Variants in ADCYAP1R1 observed in about 807,000 individuals in gnomAD.
ADCYAP1R1 encodes the protein ADCYAP receptor type I, also known as pituitary adenylate cyclase-activating polypeptide type I receptor.
ADCYAP1R1 carries 44 observed loss-of-function variants against 67.6 expected under a neutral mutation model. The observed-to-expected ratio is 0.65, with a 90% CI of 0.51 to 0.84. The LOEUF is 0.84. Among genes scored for constraint, ADCYAP1R1 ranks in the 40% least tolerant of loss-of-function variants. The pLI is 0.00. For synonymous variants in ADCYAP1R1, 222 were observed against 219.6 expected (o/e 1.01, Z -0.10); for missense variants, 477 against 587.9 (o/e 0.81, Z 1.95).
At chr7:31,097,732 A>G (rs755972035) in intron 13 of ADCYAP1R1, among the ~76,000 whole-genome samples, 9 of 152,182 alleles carry the variant, frequency 5.9e-5, no homozygotes, top group Admixed American at 2.0e-4. Context: ...TCTTGAAGCT[A>G]AAGAAAGCAG....
At chr7:31,081,049 A>G (rs1795494230) in intron 5 of ADCYAP1R1, among the ~76,000 whole-genome samples, 1 of 152,216 alleles carries the variant, frequency 6.6e-6, no homozygotes, top group Admixed American at 6.5e-5. Flanking sequence ...CAGAAGAGCA[A>G]ATGATGCAGC....
chr7:31,110,206 G>T lies in ADCYAP1R1; in HGVS notation c.*3522G>T, dbSNP rs1049891333. On this transcript the variant is annotated 3_prime_UTR_variant, in exon 16 of 16. Coordinates refer to ENST00000304166, the MANE Select transcript of ADCYAP1R1 (RefSeq NM_001118.5). ...GCCACTTCAAAGTGAAGCCAGCAAA[G>T]TGATAATACTTTATCATTTAGTATT... 9 of 149,798 alleles carry T rather than the reference G, an allele frequency of 6.0e-5. No homozygotes were observed. The highest frequency in any genetic ancestry group is 2.2e-4 in the African/African-American group (9 of 40,498). The allele number at this position is 149,798 out of a possible 1,614,324, so 9.3% of individuals were successfully genotyped here.
chr7:31,078,733 G>A (rs1005578579), intron 4 of ADCYAP1R1, among the ~76,000 whole-genome samples: 1 of 152,200 alleles, frequency 6.6e-6, no homozygotes, highest in Non-Finnish European at 1.5e-5. Flanking sequence ...GGCCCTAGCT[G>A]CCCTCAGGCA....
chr7:31,067,125 C>A (rs1794769040), intron 3 of ADCYAP1R1, among the ~76,000 whole-genome samples: 1 of 152,172 alleles, frequency 6.6e-6, no homozygotes, highest in African/African-American at 2.4e-5. Flanking sequence ...CATAGGAGGT[C>A]AGGGTGTGAA....
intron 15 of ADCYAP1R1, 117 bp from the exon 16 acceptor site, chr7:31,106,372 CTGGGGAG>C: frequency 8.3e-7 from 1 of 1,202,048 alleles, no homozygotes; most frequent in Non-Finnish European, 1.1e-6. Flanking sequence ...CAGGCTGCAA[CTGGGGAG>C]TGGGGAGGGT....
At chr7:31,081,658 A>C in intron 5 of ADCYAP1R1, 55 bp from the exon 6 acceptor site, 1 of 1,449,604 alleles carries the variant, frequency 6.9e-7, no homozygotes, top group Non-Finnish European at 9.5e-7. Context: ...GAGAGTAAAC[A>C]GTAGCTAACT....
intron 5 of ADCYAP1R1, 120 bp from the exon 6 acceptor site, chr7:31,081,593 A>G: frequency 1.4e-6 from 1 of 714,618 alleles, no homozygotes; most frequent in Non-Finnish European, 2.3e-6. Flanking sequence ...CCTCTTGGCC[A>G]GGACTCCATC....
At chr7:31,106,118 A>G (rs113904397) in intron 15 of ADCYAP1R1, among the ~76,000 whole-genome samples, 1,990 of 152,342 alleles carry the variant, frequency 0.013, 47 homozygotes, top group African/African-American at 0.045. Flanking sequence ...TCTAATGTGT[A>G]GCCCACTCTT....
At chr7:31,082,604 G>C (rs1584512088) in intron 6 of ADCYAP1R1, among the ~76,000 whole-genome samples, 1 of 152,206 alleles carries the variant, frequency 6.6e-6, no homozygotes, top group Non-Finnish European at 1.5e-5. Flanking sequence ...ACTTGGCCAC[G>C]GTGGTGATTT....
At position 31,084,776 on chromosome 7, in the gene ADCYAP1R1, G is replaced by C. The variant is rs1265225148; in HGVS notation, c.478G>C (p.Gly160Arg). 6.2e-7 allele frequency: 1 copy of C among 1,614,096 alleles called. No individual in the cohort carries two copies. Among genetic ancestry groups the C allele is most frequent in the Non-Finnish European group, 8.5e-7 (1 of 1,179,980 alleles). The change falls in exon 8 of 16, where the codon GGC (glycine) becomes CGC (arginine). Residue 160 changes from glycine to arginine, a missense_variant. Coordinates refer to ENST00000304166, the MANE Select transcript of ADCYAP1R1 (RefSeq NM_001118.5). The part of the protein sequence containing the change: ...YLSVKALYTV[G>R]YSTSLVTLTT... ...GTCAGTGAAGGCCCTCTACACGGTT[G>C]GCTACAGCACATCCCTCGTCACCCT... is the stretch of plus-strand genomic sequence containing the variant.
chr7:31,078,225 T>A, intron 4 of ADCYAP1R1, 127 bp downstream of exon 4: 1 of 664,584 alleles, frequency 1.5e-6, no homozygotes, highest in South Asian at 2.0e-5. Context: ...AGCTCACATG[T>A]GGTGTGGGGG....
intron 1 of ADCYAP1R1, among the ~76,000 whole-genome samples, chr7:31,058,606 A>G (rs1366163763): frequency 6.6e-6 from 1 of 152,040 alleles, no homozygotes; most frequent in Non-Finnish European, 1.5e-5. Flanking sequence ...GCACCTTGGG[A>G]GGTGGGCTTT....
chr7:31,068,563 T>C (rs1794843680), intron 3 of ADCYAP1R1, among the ~76,000 whole-genome samples: 1 of 152,128 alleles, frequency 6.6e-6, no homozygotes, highest in Non-Finnish European at 1.5e-5. Flanking sequence ...GACCCTGAAA[T>C]GTGCTCCAGG....
intron 5 of ADCYAP1R1, 77 bp from the exon 6 acceptor site, chr7:31,081,636 C>A: frequency 8.1e-7 from 1 of 1,240,208 alleles, no homozygotes; most frequent in Non-Finnish European, 1.1e-6. Context: ...GTAGCCTGAG[C>A]CTTCCAGGGT....
chr7:31,078,677 G>A (rs888418649), intron 4 of ADCYAP1R1, among the ~76,000 whole-genome samples: 8 of 152,218 alleles, frequency 5.3e-5, no homozygotes, highest in African/African-American at 1.7e-4. Flanking sequence ...CACAAGGCCC[G>A]TTGGGGCTGG....
rs1794058429 is a variant in ADCYAP1R1, at chr7:31,052,578, A to G, written c.-172A>G. On this transcript the variant is annotated 5_prime_UTR_variant, in exon 1 of 16. Coordinates refer to ENST00000304166, the MANE Select transcript of ADCYAP1R1 (RefSeq NM_001118.5). ...CGGCTCGGCGCGCGCTCCTCGGCGC[A>G]CACGCTCCCCATCCCCGCGCCGCGC... 1 of 151,164 alleles carries G rather than the reference A, an allele frequency of 6.6e-6. No homozygotes were observed. Among genetic ancestry groups the G allele is most frequent in the South Asian group, 2.1e-4 (1 of 4,812 alleles). 9.4% of individuals were successfully genotyped at this position (151,164 alleles called of 1,614,324 possible).
At chr7:31,054,653 G>C (rs1794166700) in intron 1 of ADCYAP1R1, among the ~76,000 whole-genome samples, 1 of 152,232 alleles carries the variant, frequency 6.6e-6, no homozygotes. Context: ...CCCTCCCAGG[G>C]ACAAGCATTT....
chr7:31,087,281 G>T (rs892279512), intron 11 of ADCYAP1R1, among the ~76,000 whole-genome samples: 4 of 152,188 alleles, frequency 2.6e-5, no homozygotes, highest in Non-Finnish European at 5.9e-5. Context: ...TTTTAGGGAG[G>T]GGATGAAGCA....
chr7:31,104,676 A>C (rs1388601906), intron 14 of ADCYAP1R1, among the ~76,000 whole-genome samples, 192 bp from the exon 15 acceptor site: 7 of 152,136 alleles, frequency 4.6e-5, no homozygotes, highest in Admixed American at 3.9e-4. Flanking sequence ...CTTGACCACC[A>C]GCCACGTGGC....
Sources: allele counts gnomAD v4.1 joint callset (sites outside exome capture counted in the v4.1 genomes callset), GRCh38; gene constraint gnomAD v4.1.1; transcripts MANE v1.5; gene names NCBI Gene and HGNC (gene_info 2026-07-23, HGNC 2026-07-21).